The following PLCB1 variants were observed in gnomAD, a reference collection of about 807,000 sequenced individuals.
PLCB1 encodes the protein phospholipase C beta 1.
Under a neutral mutation model 161.8 loss-of-function variants are expected in PLCB1, and 46 were observed. That is an observed-to-expected ratio of 0.28 (90% CI 0.22 to 0.36). The LOEUF (loss-of-function observed/expected upper bound fraction) is 0.36. Among genes scored for constraint, PLCB1 ranks in the 10% least tolerant of loss-of-function variants. The pLI, the probability that PLCB1 is intolerant of heterozygous loss-of-function variation, is 1.00. For synonymous variants in PLCB1, 517 were observed against 503.7 expected (o/e 1.03, Z -0.35); for missense variants, 1,016 against 1,472.5 (o/e 0.69, Z 5.07).
chr20:8,809,442 C>T (rs1264186840), intron 31 of PLCB1, among the ~76,000 whole-genome samples: 1 of 152,274 alleles, frequency 6.6e-6, no homozygotes, highest in Non-Finnish European at 1.5e-5. Flanking sequence ...TACTGTACAC[C>T]TCCTCCCAAC....
chr20:8,372,444 G>A (rs1165172829), intron 3 of PLCB1, among the ~76,000 whole-genome samples: 4 of 152,076 alleles, frequency 2.6e-5, no homozygotes, highest in Non-Finnish European at 5.9e-5. Context: ...CACGGCTGCT[G>A]GGTTTTTTAA....
chr20:8,466,293 G>A (rs1981817618), intron 3 of PLCB1, among the ~76,000 whole-genome samples: 1 of 145,628 alleles, frequency 6.9e-6, no homozygotes, highest in South Asian at 2.2e-4. Context: ...ATGGACACAG[G>A]AAGGGGAATA....
chr20:8,778,183 G>T (rs1983037967), intron 27 of PLCB1, among the ~76,000 whole-genome samples: 2 of 152,158 alleles, frequency 1.3e-5, no homozygotes, highest in African/African-American at 4.8e-5. Flanking sequence ...AGGTGGCAGA[G>T]TGAGAGGGAA....
At chr20:8,203,280 T>C (rs1978345887) in intron 2 of PLCB1, among the ~76,000 whole-genome samples, 1 of 151,916 alleles carries the variant, frequency 6.6e-6, no homozygotes, top group African/African-American at 2.4e-5. Flanking sequence ...AAATTTAATG[T>C]GGGAAATAAG....
chr20:8,211,174 A>G (rs910183166), intron 2 of PLCB1, among the ~76,000 whole-genome samples: 2 of 152,040 alleles, frequency 1.3e-5, no homozygotes, highest in Non-Finnish European at 2.9e-5. Context: ...AGAGGATTCT[A>G]CTTCCTGAGA....
In PLCB1 at chr20:8,428,692, G is replaced by A. The variant is rs147227516; in HGVS notation, c.246+57242G>A. Among the ~76,000 whole-genome samples, 4 of 152,282 alleles carry A rather than the reference G, an allele frequency of 2.6e-5. No homozygotes were observed. In the East Asian group the frequency reaches 7.7e-4, roughly 29 times the overall value. On this transcript the variant is annotated intron_variant, in intron 3 of 31. Coordinates refer to ENST00000338037, the MANE Select transcript of PLCB1 (RefSeq NM_015192.4). ...TTAAGAGCCATGTAGAGGAATTGTG[G>A]CCGATTGAATAGGAAGTTCTACCTG...
intron 3 of PLCB1, among the ~76,000 whole-genome samples, chr20:8,451,811 C>CCTTCTTTCTTCCATCTCCCTCTT (rs1046039642): frequency 5.9e-5 from 9 of 151,720 alleles, no homozygotes; most frequent in East Asian, 3.9e-4. Context: ...TTCCTTCCTC[C>CCTTCTTTCTTCCATCTCCCTCTT]CTTCTTTCTT....
chr20:8,274,728 A>G (rs1982445922), intron 2 of PLCB1, among the ~76,000 whole-genome samples: 1 of 152,108 alleles, frequency 6.6e-6, no homozygotes, highest in Admixed American at 6.6e-5. Context: ...GAGATCTTCC[A>G]TGTTGGCCAA....
At chr20:8,800,005 A>C (rs1225018637) in intron 31 of PLCB1, among the ~76,000 whole-genome samples, 6 of 152,218 alleles carry the variant, frequency 3.9e-5, no homozygotes, top group Admixed American at 3.3e-4. Context: ...AAGTGGTTGA[A>C]TCCACAGATG....
chr20:8,865,110 A>G (rs927543617), intron 31 of PLCB1, among the ~76,000 whole-genome samples: 8 of 152,184 alleles, frequency 5.3e-5, no homozygotes, highest in African/African-American at 1.9e-4. Flanking sequence ...TTCTGTATAT[A>G]CCTTAATCCA....
intron 27 of PLCB1, among the ~76,000 whole-genome samples, chr20:8,788,241 G>T (rs371887421): frequency 4.6e-5 from 7 of 152,130 alleles, no homozygotes; most frequent in African/African-American, 1.4e-4. Flanking sequence ...GAGATAATAA[G>T]AAGAATTTCA....
intron 4 of PLCB1, among the ~76,000 whole-genome samples, chr20:8,643,863 TGCC>T (rs1989043949): frequency 6.6e-6 from 1 of 151,278 alleles, no homozygotes; most frequent in Non-Finnish European, 1.5e-5. Context: ...TGGACTGTAC[TGCC>T]GCCATCTCGG....
intron 2 of PLCB1, among the ~76,000 whole-genome samples, chr20:8,310,678 C>G (rs1289476247): frequency 6.6e-6 from 1 of 152,114 alleles, no homozygotes; most frequent in Non-Finnish European, 1.5e-5. Flanking sequence ...TTGTGTGATG[C>G]TGATCCCGTC....
At chr20:8,316,866 C>T (rs1380175241) in intron 2 of PLCB1, among the ~76,000 whole-genome samples, 2 of 151,978 alleles carry the variant, frequency 1.3e-5, no homozygotes, top group African/African-American at 4.8e-5. Flanking sequence ...TGTTTTATCC[C>T]CTCACGGCAT....
At chr20:8,580,856 G>A (rs1190075409) in intron 3 of PLCB1, among the ~76,000 whole-genome samples, 1 of 152,236 alleles carries the variant, frequency 6.6e-6, no homozygotes, top group Non-Finnish European at 1.5e-5. Context: ...ACACAGGGCT[G>A]TAGGTGACAC....
chr20:8,594,880 G>C (rs955731898), intron 3 of PLCB1, among the ~76,000 whole-genome samples: 2 of 152,046 alleles, frequency 1.3e-5, no homozygotes, highest in African/African-American at 4.8e-5. Context: ...CCCAAATTAG[G>C]TGTTTAAAAA....
At chr20:8,838,282 A>G (rs1301780964) in intron 31 of PLCB1, among the ~76,000 whole-genome samples, 1 of 152,150 alleles carries the variant, frequency 6.6e-6, no homozygotes, top group African/African-American at 2.4e-5. Context: ...ATGGTGTTTT[A>G]CCAGGTGACT....
chr20:8,668,044 G>C (rs537901864), intron 9 of PLCB1, among the ~76,000 whole-genome samples: 11 of 152,136 alleles, frequency 7.2e-5, no homozygotes, highest in Admixed American at 5.9e-4. Flanking sequence ...AGGGAGAGAG[G>C]CCACAGGCGT....
intron 3 of PLCB1, among the ~76,000 whole-genome samples, chr20:8,429,423 G>A (rs144379941): frequency 6.6e-6 from 1 of 152,142 alleles, no homozygotes; most frequent in African/African-American, 2.4e-5. Context: ...GTGTTTTTTA[G>A]GTTGTGACCT....
Sources: gnomAD v4.1 joint callset for allele counts (sites outside exome capture counted in the v4.1 genomes callset) on GRCh38, gnomAD v4.1.1 for gene constraint, MANE v1.5 for transcripts, NCBI Gene and HGNC (gene_info 2026-07-23, HGNC 2026-07-21) for gene names.